The following FHIP2A variants were observed in gnomAD, a reference collection of about 807,000 sequenced individuals.
FHIP2A encodes family with sequence similarity 160 member B1.
In FHIP2A, 46 loss-of-function variants were observed where a neutral mutation model predicts 93.5. The observed-to-expected ratio is 0.49, with a 90% CI of 0.39 to 0.63. FHIP2A has a LOEUF of 0.63. FHIP2A is among the 20% of genes least tolerant of loss of function. The pLI, the probability that FHIP2A is intolerant of heterozygous loss-of-function variation, is 0.00. For missense variants in FHIP2A, 769 were observed against 909.7 expected (o/e 0.85, Z 1.99); for synonymous variants, 332 against 326.5 (o/e 1.02, Z -0.18).
chr10:114,877,836 C>A (rs1440480006), intron 16 of FHIP2A, among the ~76,000 whole-genome samples: 1 of 151,744 alleles, frequency 6.6e-6, no homozygotes, highest in Non-Finnish European at 1.5e-5. Flanking sequence ...AATAATAACA[C>A]CCTTGGAGAG....
At chr10:114,899,118 ACGG>A (rs2084014786) in intron 16 of FHIP2A, among the ~76,000 whole-genome samples, 6 of 152,342 alleles carry the variant, frequency 3.9e-5, no homozygotes, top group Middle Eastern at 3.4e-3. Flanking sequence ...GTGCAGCTTC[ACGG>A]GTAAGCCTAA....
At position 114,864,683 on chromosome 10, in the gene FHIP2A, T is replaced by C; in HGVS notation, c.*3143T>C. 1 of 985,024 alleles carries C rather than the reference T, an allele frequency of 1.0e-6. No homozygotes were observed. The highest frequency in any genetic ancestry group is 1.2e-6 in the Non-Finnish European group (1 of 829,398). The allele number at this position is 985,024 out of a possible 1,614,324, so 61.0% of individuals were successfully genotyped here. A position where few individuals can be genotyped will look rare whatever the true frequency, so the allele number is the denominator to read the frequency against. On this transcript the variant is annotated 3_prime_UTR_variant, in exon 17 of 17. Coordinates refer to ENST00000369248, the MANE Select transcript of FHIP2A (RefSeq NM_020940.4). ...ACAATGCATGCAGGACTAAGAGGGA[T>C]GATCTAAAAAATAAATAATGTAATT...
Position 114,862,688 on chromosome 10 carries a change from A to G in FHIP2A, c.*1148A>G. 1.0e-6 allele frequency: 1 copy of G among 985,650 alleles called. No homozygotes were observed. Among genetic ancestry groups the G allele is most frequent in the Non-Finnish European group, 1.2e-6 (1 of 830,102 alleles). 61.1% of individuals were successfully genotyped at this position (985,650 alleles called of 1,614,324 possible). On this transcript the variant is annotated 3_prime_UTR_variant, in exon 17 of 17. Transcript: ENST00000369248. The stretch of plus-strand genomic sequence containing the variant: ...GCTGGGCACAGCATGCTTGTACTTG[A>G]TTGACAAAATCGTGTTTGCCAGTCC...
chr10:114,830,563 C>A (rs1447053975), intron 1 of FHIP2A, among the ~76,000 whole-genome samples: 1 of 151,898 alleles, frequency 6.6e-6, no homozygotes, highest in Non-Finnish European at 1.5e-5. Context: ...TGAGCCACTG[C>A]CCCCAGCCTG....
chr10:114,888,570 C>G (rs2083954472), intron 16 of FHIP2A, among the ~76,000 whole-genome samples: 1 of 152,152 alleles, frequency 6.6e-6, no homozygotes. Context: ...TAAGCACCTC[C>G]AGATCATGAA....
downstream of FHIP2A, among the ~76,000 whole-genome samples, chr10:114,869,018 A>C (rs2083844488): frequency 6.6e-6 from 1 of 152,224 alleles, no homozygotes; most frequent in South Asian, 2.1e-4. Context: ...GACAAGCAAA[A>C]GCATCTCCAA....
intron 16 of FHIP2A, among the ~76,000 whole-genome samples, chr10:114,890,872 A>G (rs1354849638): frequency 6.6e-6 from 1 of 150,712 alleles, no homozygotes; most frequent in Non-Finnish European, 1.5e-5. Flanking sequence ...TTGGTGTGAT[A>G]ATAATCTTGC....
intron 12 of FHIP2A, among the ~76,000 whole-genome samples, chr10:114,848,408 G>C (rs2083714603): frequency 6.6e-6 from 1 of 151,966 alleles, no homozygotes; most frequent in Non-Finnish European, 1.5e-5. Flanking sequence ...AAAATAATGA[G>C]AATATTTAAT....
At chr10:114,887,618 T>C (rs1442663111) in intron 16 of FHIP2A, among the ~76,000 whole-genome samples, 1 of 152,212 alleles carries the variant, frequency 6.6e-6, no homozygotes, top group Admixed American at 6.5e-5. Context: ...TAGTTAATTA[T>C]TTGGGAAATG....
At chr10:114,880,943 G>A (rs2083914016) in intron 16 of FHIP2A, among the ~76,000 whole-genome samples, 1 of 152,100 alleles carries the variant, frequency 6.6e-6, no homozygotes, top group Admixed American at 6.5e-5. Flanking sequence ...TCCTTACAAG[G>A]CCATCTCAAT....
chr10:114,833,601 C>T (rs2083620934), intron 3 of FHIP2A, 199 bp downstream of exon 3: 1 of 485,862 alleles, frequency 2.1e-6, no homozygotes, highest in Admixed American at 4.1e-5. Context: ...ACACTCTAGA[C>T]AACAACTTGT....
Position 114,861,681 on chromosome 10 carries a change from C to T in FHIP2A, c.*141C>T. On this transcript the variant is annotated 3_prime_UTR_variant, in exon 17 of 17. Transcript: ENST00000369248. ...TAAACTGGACAGAACCATTAAGAAC[C>T]TATTGAGTGGACATTCTTGGTGAAA... 2 of 1,426,320 alleles carry T rather than the reference C, an allele frequency of 1.4e-6. No homozygotes were observed. The highest frequency in any genetic ancestry group is 1.8e-6 in the Non-Finnish European group (2 of 1,095,562). The allele number at this position is 1,426,320 out of a possible 1,614,324, so 88.4% of individuals were successfully genotyped here.
In FHIP2A at chr10:114,864,011, A is replaced by G; in HGVS notation, c.*2471A>G. 2 of 1,001,920 alleles carry G rather than the reference A, an allele frequency of 2.0e-6. No homozygotes were observed. The highest frequency in any genetic ancestry group is 2.4e-6 in the Non-Finnish European group (2 of 840,206). The allele number at this position is 1,001,920 out of a possible 1,614,324, so 62.1% of individuals were successfully genotyped here. A position where few individuals can be genotyped will look rare whatever the true frequency, so the allele number is the denominator to read the frequency against. On this transcript the variant is annotated 3_prime_UTR_variant, in exon 17 of 17. Coordinates refer to ENST00000369248, the MANE Select transcript of FHIP2A (RefSeq NM_020940.4). ...TATTGCCATATAGTACTCACCTTATAACTATGTAACTTTCTCGTAATGTAT... is the reference window on the plus strand; with the variant it reads ...TATTGCCATATAGTACTCACCTTATGACTATGTAACTTTCTCGTAATGTAT...
intron 16 of FHIP2A, among the ~76,000 whole-genome samples, chr10:114,891,502 T>C (rs1441764528): frequency 6.6e-6 from 1 of 151,056 alleles, no homozygotes. Flanking sequence ...AATAATAAGA[T>C]ACCTGAAATG....
At chr10:114,873,108 ATGGGCCCTGCAGGGC>A (rs1479875463) in intron 16 of FHIP2A, among the ~76,000 whole-genome samples, 2 of 152,206 alleles carry the variant, frequency 1.3e-5, no homozygotes, top group Non-Finnish European at 2.9e-5. Context: ...AGGTTAGGGG[ATGGGCCCTGCAGGGC>A]TGGTGTTCAG....
At chr10:114,880,791 T>C (rs2143015117) in intron 16 of FHIP2A, among the ~76,000 whole-genome samples, 1 of 152,056 alleles carries the variant, frequency 6.6e-6, no homozygotes, top group East Asian at 1.9e-4. Flanking sequence ...CTCCGAGTGA[T>C]TCTGATGCTG....
intron 16 of FHIP2A, among the ~76,000 whole-genome samples, chr10:114,875,879 GA>G (rs1278256458): frequency 9.1e-5 from 9 of 99,428 alleles, no homozygotes; most frequent in African/African-American, 3.2e-4. Context: ...GAGAAAGAAA[GA>G]AAAGAAAGAG....
At chr10:114,865,695 AGT>A (rs1210037269), downstream of FHIP2A, among the ~76,000 whole-genome samples, 2 of 152,154 alleles carry the variant, frequency 1.3e-5, no homozygotes, top group African/African-American at 4.8e-5. Flanking sequence ...AGAATTTAGC[AGT>A]GTTTTAGCTG....
At position 114,835,630 on chromosome 10, in the gene FHIP2A, A is replaced by G. The variant is rs1311968999; in HGVS notation, c.388A>G (p.Arg130Gly). 6 of 1,573,866 alleles carry G rather than the reference A, an allele frequency of 3.8e-6. No homozygotes were observed. Among genetic ancestry groups the G allele is most frequent in the Non-Finnish European group, 4.3e-6 (5 of 1,152,892 alleles). The change falls in exon 4 of 17, where the codon AGG becomes GGG. Residue 130 changes from arginine to glycine, a missense_variant. Transcript: ENST00000369248. Reference sequence around the variant, plus strand: ...ACTACTTCCACACATTAACGTGCACAGGCCAGTGCAGGTATTTTGTTCCCC... The same window carrying G: ...ACTACTTCCACACATTAACGTGCACGGGCCAGTGCAGGTATTTTGTTCCCC... ...QPLLPHINVH[R>G]PVQKLIRLCG...
Sources: gnomAD v4.1 joint callset for allele counts (sites outside exome capture counted in the v4.1 genomes callset) on GRCh38, gnomAD v4.1.1 for gene constraint, MANE v1.5 for transcripts, NCBI Gene and HGNC (gene_info 2026-07-23, HGNC 2026-07-21) for gene names.